The following TMTC1 variants were observed in gnomAD, a reference collection of about 807,000 sequenced individuals.
The protein encoded by TMTC1 is transmembrane O-mannosyltransferase targeting cadherins 1, also known as protein O-mannosyl-transferase TMTC1.
Under a neutral mutation model 104.8 loss-of-function variants are expected in TMTC1, and 73 were observed. The observed-to-expected ratio is 0.70, with a 90% CI of 0.58 to 0.85. The LOEUF (loss-of-function observed/expected upper bound fraction) is 0.85. Among genes scored for constraint, TMTC1 ranks in the 40% least tolerant of loss-of-function variants. The pLI is 0.00. For synonymous variants in TMTC1, 434 were observed against 428.7 expected, an observed-to-expected ratio of 1.01 and a Z score of -0.15; for missense variants, 1,035 against 1,096.1, an observed-to-expected ratio of 0.94 and a Z score of 0.79.
intron 10 of TMTC1, among the ~76,000 whole-genome samples, chr12:29,550,374 T>A (rs1377600173): frequency 6.6e-6 from 1 of 152,108 alleles, no homozygotes; most frequent in African/African-American, 2.4e-5. Context: ...AGTGATCAAG[T>A]GCAGGGCCGG....
At chr12:29,646,151 G>A (rs1453557478) in intron 5 of TMTC1, among the ~76,000 whole-genome samples, 4 of 152,260 alleles carry the variant, frequency 2.6e-5, no homozygotes, top group African/African-American at 9.6e-5. Flanking sequence ...AGAAGCACCC[G>A]CCTGAGACCC....
rs79161496 is a variant in TMTC1, at chr12:29,513,412, C to T, written c.2430+1070G>A. ...TTCGTTATAAATAACTTAAGAATGA[C>T]GATATTGAAAATGTTGAAAAGGCAG... On this transcript the variant is annotated intron_variant, in intron 16 of 17. Coordinates refer to ENST00000539277, the MANE Select transcript of TMTC1 (RefSeq NM_001193451.2). 3.6e-3 allele frequency among the ~76,000 whole-genome samples: 548 copies of T among 151,790 alleles called. 5 individuals carry two copies. Among genetic ancestry groups the T allele is most frequent in the South Asian group, 0.017 (82 of 4,808 alleles).
chr12:29,661,467 G>C, intron 5 of TMTC1: 1 of 327,386 alleles, frequency 3.1e-6, no homozygotes, highest in Non-Finnish European at 4.3e-6. Flanking sequence ...CGTCGCCCAG[G>C]CTGGAGTGCA....
intron 5 of TMTC1, among the ~76,000 whole-genome samples, chr12:29,707,254 C>T (rs1419895440): frequency 6.6e-6 from 1 of 152,164 alleles, no homozygotes; most frequent in Non-Finnish European, 1.5e-5. Flanking sequence ...CATGTTGGTT[C>T]GCATGAAGTC....
intron 16 of TMTC1, 84 bp downstream of exon 16, chr12:29,514,398 T>C: frequency 7.1e-7 from 1 of 1,404,174 alleles, no homozygotes; most frequent in South Asian, 1.5e-5. Flanking sequence ...TCTTAGATCT[T>C]ACTGTACATG....
At chr12:29,662,342 T>A (rs1418259867) in intron 5 of TMTC1, among the ~76,000 whole-genome samples, 2 of 152,154 alleles carry the variant, frequency 1.3e-5, no homozygotes, top group Non-Finnish European at 2.9e-5. Context: ...CAAAGAAATG[T>A]CTATCCACCT....
rs1308617579 is a variant in TMTC1, at chr12:29,596,356, C to T, written c.1250+7822G>A. Among the ~76,000 whole-genome samples, 3 of 152,278 alleles carry T rather than the reference C, an allele frequency of 2.0e-5. No individual in the cohort carries two copies. The East Asian group carries it at 5.8e-4, about 29-fold the overall frequency. On this transcript the variant is annotated intron_variant, in intron 7 of 17. Transcript: ENST00000539277. The stretch of plus-strand genomic sequence containing the variant: ...AACTTTGGATTTTGCCACAGATTCC[C>T]TTCCAATGGTATCATTAAGTTTTAT...
intron 6 of TMTC1, among the ~76,000 whole-genome samples, chr12:29,624,828 A>G (rs1937893060): frequency 6.6e-6 from 1 of 152,236 alleles, no homozygotes; most frequent in South Asian, 2.1e-4. Flanking sequence ...AAGGCACTCA[A>G]TCAATATTAA....
intron 6 of TMTC1, among the ~76,000 whole-genome samples, chr12:29,607,584 T>A (rs879793670): frequency 6.6e-6 from 1 of 152,184 alleles, no homozygotes; most frequent in Non-Finnish European, 1.5e-5. Context: ...AGCAAGTGGA[T>A]AATGAGCGTT....
chr12:29,696,485 G>A (rs12304389), intron 5 of TMTC1, among the ~76,000 whole-genome samples: 25,354 of 152,096 alleles, frequency 0.17, 2,226 homozygotes, highest in Middle Eastern at 0.23. Context: ...TCATTTTCAT[G>A]TTAATTTTTA....
chr12:29,713,640 A>C (rs1401034927), intron 5 of TMTC1, among the ~76,000 whole-genome samples: 1 of 152,178 alleles, frequency 6.6e-6, no homozygotes, highest in East Asian at 1.9e-4. Context: ...ACTCACAATG[A>C]AGTCACAAGC....
chr12:29,739,577 A>T (rs1358759068), intron 5 of TMTC1, among the ~76,000 whole-genome samples: 1 of 152,100 alleles, frequency 6.6e-6, no homozygotes, highest in Non-Finnish European at 1.5e-5. Context: ...CTGGGCCAAC[A>T]AGTCTCTTTT....
At chr12:29,722,462 C>G (rs1388975175) in intron 5 of TMTC1, among the ~76,000 whole-genome samples, 1 of 152,148 alleles carries the variant, frequency 6.6e-6, no homozygotes, top group Non-Finnish European at 1.5e-5. Flanking sequence ...AATGACAAAG[C>G]TGCCTTCTTT....
chr12:29,638,361 G>T (rs1022721215), intron 5 of TMTC1, among the ~76,000 whole-genome samples: 2 of 152,004 alleles, frequency 1.3e-5, no homozygotes, highest in African/African-American at 4.8e-5. Flanking sequence ...TCAGCTGAGG[G>T]TGATCGGCTG....
chr12:29,694,946 A>C (rs908576209), intron 5 of TMTC1, among the ~76,000 whole-genome samples: 1 of 152,066 alleles, frequency 6.6e-6, no homozygotes, highest in Non-Finnish European at 1.5e-5. Flanking sequence ...ACAAAACAAA[A>C]CAAAACAAAA....
chr12:29,728,455 C>A (rs1401677533), intron 5 of TMTC1, among the ~76,000 whole-genome samples: 1 of 152,116 alleles, frequency 6.6e-6, no homozygotes, highest in Non-Finnish European at 1.5e-5. Flanking sequence ...GTTGTACAAG[C>A]TCGAACAGAC....
At chr12:29,510,249 G>A (rs1179092167) in intron 17 of TMTC1, among the ~76,000 whole-genome samples, 1 of 151,946 alleles carries the variant, frequency 6.6e-6, no homozygotes, top group East Asian at 1.9e-4. Context: ...GTAACGCAGT[G>A]GTATTTGTGT....
chr12:29,510,002 A>G (rs1943789370), intron 17 of TMTC1, among the ~76,000 whole-genome samples: 1 of 152,222 alleles, frequency 6.6e-6, no homozygotes, highest in South Asian at 2.1e-4. Flanking sequence ...AGCTGCAGAT[A>G]TACTCCATCT....
intron 12 of TMTC1, chr12:29,519,242 T>G (rs1944080696): frequency 6.6e-6 from 1 of 152,222 alleles, no homozygotes; most frequent in Non-Finnish European, 1.5e-5. Context: ...TGCAGGTATT[T>G]TTTTATACAA....
Sources: gnomAD v4.1 joint callset for allele counts (sites outside exome capture counted in the v4.1 genomes callset) on GRCh38, gnomAD v4.1.1 for gene constraint, MANE v1.5 for transcripts, NCBI Gene and HGNC (gene_info 2026-07-23, HGNC 2026-07-21) for gene names.